Variants in COL22A1 observed in about 807,000 individuals in gnomAD.
COL22A1 encodes collagen alpha-1(XXII) chain.
In COL22A1, 221 loss-of-function variants were observed where a neutral mutation model predicts 248.9. That is an observed-to-expected ratio of 0.89 (90% CI 0.80 to 0.99). The LOEUF (loss-of-function observed/expected upper bound fraction) is 0.99, where lower values mean the gene tolerates loss of function less well. Ranked by LOEUF, COL22A1 falls within the 50% of genes least tolerant of loss-of-function variation. The pLI is 0.00. For synonymous variants in COL22A1, 891 were observed against 793.4 expected, an observed-to-expected ratio of 1.12 and a Z score of -2.07; for missense variants, 2,240 against 2,179.0, an observed-to-expected ratio of 1.03 and a Z score of -0.56.
chr8:138,669,967 A>G lies in COL22A1; in HGVS notation c.3151-6227T>C, dbSNP rs374098353. ...AGTGGCATGATCTTGGCTCACTGCA[A>G]CTTCCACCTCCCAGGTTCAAGCAAT... On this transcript the variant is annotated intron_variant, in intron 41 of 64. Coordinates refer to ENST00000303045, the MANE Select transcript of COL22A1 (RefSeq NM_152888.3). Among the ~76,000 whole-genome samples the G allele has an allele frequency of 5.3e-3, 791 of 148,340 alleles. 6 individuals carry two copies. Among genetic ancestry groups the G allele is most frequent in the Middle Eastern group, 0.011 (3 of 278 alleles).
intron 1 of COL22A1, among the ~76,000 whole-genome samples, chr8:138,909,430 G>A (rs1287524416): frequency 2.7e-5 from 4 of 148,550 alleles, no homozygotes; most frequent in Admixed American, 1.3e-4. Flanking sequence ...CTGTGCCCCT[G>A]ACAACTCAGC....
chr8:138,733,759 T>C (rs1830885000), intron 23 of COL22A1, among the ~76,000 whole-genome samples: 1 of 152,180 alleles, frequency 6.6e-6, no homozygotes, highest in Non-Finnish European at 1.5e-5. Flanking sequence ...TTGATGATGC[T>C]TTCACATCTT....
chr8:138,906,839 G>A (rs1815068159), intron 1 of COL22A1, among the ~76,000 whole-genome samples: 1 of 152,098 alleles, frequency 6.6e-6, no homozygotes, highest in South Asian at 2.1e-4. Context: ...TTTTAGTAGA[G>A]ACACGGTTTT....
chr8:138,769,449 G>T (rs1377800654), intron 16 of COL22A1, among the ~76,000 whole-genome samples: 1 of 152,118 alleles, frequency 6.6e-6, no homozygotes, highest in Non-Finnish European at 1.5e-5. Context: ...GGCATCTTAG[G>T]AGCTGAGAGC....
intron 14 of COL22A1, 78 bp from the exon 15 acceptor site, chr8:138,778,484 C>A: frequency 7.5e-7 from 1 of 1,334,246 alleles, no homozygotes; most frequent in South Asian, 1.5e-5. Flanking sequence ...TCAGCCAGTC[C>A]CACGTTTGGT....
At chr8:138,888,134 C>G (rs559147529) in intron 1 of COL22A1, among the ~76,000 whole-genome samples, 2 of 152,146 alleles carry the variant, frequency 1.3e-5, no homozygotes, top group Non-Finnish European at 2.9e-5. Context: ...GAAATATTCA[C>G]GAGTTGCCCT....
At chr8:138,805,723 T>C (rs992629598) in intron 10 of COL22A1, among the ~76,000 whole-genome samples, 2 of 137,982 alleles carry the variant, frequency 1.4e-5, no homozygotes, top group African/African-American at 5.6e-5. Context: ...GATGGTGTAG[T>C]GATGGTGTGT....
intron 37 of COL22A1, among the ~76,000 whole-genome samples, chr8:138,686,318 C>G (rs901862237): frequency 3.4e-4 from 52 of 152,308 alleles, no homozygotes; most frequent in African/African-American, 1.1e-3. Flanking sequence ...CTCTGAACAG[C>G]CCTTGTGGCG....
chr8:138,799,263 A>G (rs1411578678), intron 11 of COL22A1, among the ~76,000 whole-genome samples: 1 of 152,176 alleles, frequency 6.6e-6, no homozygotes, highest in African/African-American at 2.4e-5. Context: ...TTCTTTGATC[A>G]TAATTATAAT....
chr8:138,749,879 G>A (rs986727327), intron 22 of COL22A1, among the ~76,000 whole-genome samples: 1 of 152,144 alleles, frequency 6.6e-6, no homozygotes, highest in African/African-American at 2.4e-5. Flanking sequence ...GGAAGTGGGG[G>A]CGAGTGAATC....
In COL22A1 at chr8:138,724,626, G is replaced by A. The variant is rs143768395; in HGVS notation, c.2236C>T (p.Pro746Ser). The change falls in exon 25 of 65, where the codon CCT becomes TCT. Residue 746 changes from proline to serine, a missense_variant. Transcript: ENST00000303045. ...EIGFPGKPGP[P>S]GPTGPPGKDG... ...TTCCGAACACTCACCGTGGGCCCAG[G>A]AGGTCCAGGCTTTCCCGGGAAGCCG... 16 of 1,614,178 alleles carry A rather than the reference G, an allele frequency of 9.9e-6. No homozygotes were observed. The highest frequency in any genetic ancestry group is 4.5e-5 in the East Asian group (2 of 44,858).
In COL22A1 at chr8:138,755,175, G is replaced by A. The variant is rs780492145; in HGVS notation, c.2013C>T (p.Pro671=). 1.5e-5 allele frequency: 25 copies of A among 1,613,322 alleles called. No individual in the cohort carries two copies. The highest frequency in any genetic ancestry group is 6.7e-5 in the African/African-American group (5 of 74,908). Residue 671 remains proline, a synonymous_variant, in exon 21 of 65, where the codon CCC becomes CCT. Transcript: ENST00000303045. ...AACTTACCCGAGCTCCTGGAGGACC[G>A]GGGGCGCCTTGGTGACCTCTGGGTC... ...APGPRGHQGA[P]GPPGARGPIG...
chr8:138,738,063 C>T (rs1831260898), intron 22 of COL22A1, among the ~76,000 whole-genome samples: 1 of 152,140 alleles, frequency 6.6e-6, no homozygotes, highest in African/African-American at 2.4e-5. Context: ...AACTTTGCTT[C>T]TTTGTTTCCA....
intron 4 of COL22A1, among the ~76,000 whole-genome samples, chr8:138,840,261 G>C (rs528732205): frequency 6.6e-6 from 1 of 152,106 alleles, no homozygotes; most frequent in Admixed American, 6.5e-5. Flanking sequence ...TATAATTAGA[G>C]GAGACGGTAG....
At chr8:138,872,665 G>T (rs1218473611) in intron 3 of COL22A1, among the ~76,000 whole-genome samples, 3 of 152,246 alleles carry the variant, frequency 2.0e-5, no homozygotes, top group Non-Finnish European at 2.9e-5. Flanking sequence ...ACTGCAGGAA[G>T]CTGAGGCTGA....
intron 46 of COL22A1, among the ~76,000 whole-genome samples, chr8:138,647,725 A>T (rs1822336036): frequency 6.6e-6 from 1 of 152,160 alleles, no homozygotes; most frequent in Admixed American, 6.5e-5. Context: ...TCCTGCCAGA[A>T]GTTGTGGAAC....
At chr8:138,668,520 C>T (rs529534912) in intron 41 of COL22A1, among the ~76,000 whole-genome samples, 4 of 152,268 alleles carry the variant, frequency 2.6e-5, no homozygotes, top group South Asian at 2.1e-4. Flanking sequence ...AACTGAAAGC[C>T]GCATATGGCT....
At chr8:138,737,631 G>A (rs758539681) in intron 22 of COL22A1, 54 bp from the exon 23 acceptor site, 3 of 1,222,972 alleles carry the variant, frequency 2.5e-6, no homozygotes, top group Non-Finnish European at 3.6e-6. Flanking sequence ...TCAACCAGAG[G>A]GGGTTTAATA....
intron 3 of COL22A1, among the ~76,000 whole-genome samples, chr8:138,844,777 C>T (rs1001269795): frequency 6.6e-6 from 1 of 151,844 alleles, no homozygotes; most frequent in Non-Finnish European, 1.5e-5. Flanking sequence ...GGTGAAACCC[C>T]GTCTCTACTA....
Sources: gnomAD v4.1 joint callset for allele counts (sites outside exome capture counted in the v4.1 genomes callset) on GRCh38, gnomAD v4.1.1 for gene constraint, MANE v1.5 for transcripts, NCBI Gene and HGNC (gene_info 2026-07-23, HGNC 2026-07-21) for gene names.